The following MAPK14 variants were observed in gnomAD, a reference collection of about 807,000 sequenced individuals.
MAPK14 encodes the protein CSAID-binding protein.
MAPK14 carries 16 observed loss-of-function variants against 49.6 expected under a neutral mutation model. That is an observed-to-expected ratio of 0.32 (90% CI 0.22 to 0.49). MAPK14 has a LOEUF of 0.49. Ranked by LOEUF, MAPK14 falls within the 20% of genes least tolerant of loss-of-function variation. The pLI is 0.99. For synonymous variants in MAPK14, 142 were observed against 158.0 expected, an observed-to-expected ratio of 0.90 and a Z score of 0.76; for missense variants, 200 against 441.2, an observed-to-expected ratio of 0.45 and a Z score of 4.90.
intron 1 of MAPK14, among the ~76,000 whole-genome samples, chr6:36,047,586 GAC>G (rs1763228794): frequency 6.6e-6 from 1 of 152,092 alleles, no homozygotes; most frequent in African/African-American, 2.4e-5. Context: ...TCATTTTTGA[GAC>G]AGTCTCACTG....
Position 36,079,570 on chromosome 6 carries a change from C to T in MAPK14, c.682+2962C>T, listed in dbSNP as rs1764666179. On this transcript the variant is annotated intron_variant, in intron 8 of 11. Transcript: ENST00000229794. Reference sequence around the variant, plus strand: ...AATTTGTGATGGGCTGCATCCAAAGCCCTGGGCCACGTGCAGCCCGCAGGC... The same window carrying T: ...AATTTGTGATGGGCTGCATCCAAAGTCCTGGGCCACGTGCAGCCCGCAGGC... Among the ~76,000 whole-genome samples the T allele has an allele frequency of 2.0e-5, 3 of 152,158 alleles. No individual in the cohort carries two copies. The South Asian group carries it at 6.2e-4, about 31-fold the overall frequency.
intron 2 of MAPK14, 36 bp from the exon 3 acceptor site, chr6:36,059,253 A>T: frequency 7.4e-7 from 1 of 1,350,684 alleles, no homozygotes; most frequent in Non-Finnish European, 1.0e-6. Flanking sequence ...TGAGTTTAAT[A>T]TTTATTTACT....
chr6:36,101,945 G>C (rs1765653757), intron 9 of MAPK14, among the ~76,000 whole-genome samples: 1 of 152,194 alleles, frequency 6.6e-6, no homozygotes, highest in South Asian at 2.1e-4. Flanking sequence ...GCTTCTGAAG[G>C]TGATAGTGGG....
chr6:36,075,316 G>A (rs781056475), intron 6 of MAPK14, among the ~76,000 whole-genome samples: 5 of 151,556 alleles, frequency 3.3e-5, no homozygotes, highest in Non-Finnish European at 7.4e-5. Context: ...AGGCAACTAT[G>A]GATCTGCTTC....
intron 8 of MAPK14, among the ~76,000 whole-genome samples, chr6:36,080,723 G>T (rs889430784): frequency 1.3e-5 from 2 of 152,040 alleles, no homozygotes; most frequent in East Asian, 3.9e-4. Context: ...GAGTGGAATT[G>T]TTGCATCATA....
intron 8 of MAPK14, among the ~76,000 whole-genome samples, chr6:36,086,877 G>A (rs374264353): frequency 5.9e-5 from 9 of 152,256 alleles, no homozygotes; most frequent in South Asian, 2.1e-4. Flanking sequence ...GATGAACATC[G>A]ATGCAAAAAT....
At chr6:36,081,599 A>G (rs1764763140) in intron 8 of MAPK14, among the ~76,000 whole-genome samples, 2 of 152,140 alleles carry the variant, frequency 1.3e-5, no homozygotes, top group Admixed American at 1.3e-4. Context: ...ATTGGTTTAT[A>G]TATCTATCCT....
At chr6:36,120,574 G>C in the MAPK14 span, among the ~76,000 whole-genome samples, 1 of 151,994 alleles carries the variant, frequency 6.6e-6, no homozygotes, top group Non-Finnish European at 1.5e-5. Flanking sequence ...TACAGATGAT[G>C]AGCAATGCGG....
At chr6:36,079,115 T>C (rs1581801987) in intron 8 of MAPK14, among the ~76,000 whole-genome samples, 2 of 152,260 alleles carry the variant, frequency 1.3e-5, no homozygotes, top group South Asian at 4.1e-4. Flanking sequence ...CTATTCATTT[T>C]TTTTGAAAAG....
At chr6:36,054,008 A>AGACGGAGTCTCGCTCTGTCGCCC (rs1763499970) in intron 2 of MAPK14, among the ~76,000 whole-genome samples, 1 of 121,824 alleles carries the variant, frequency 8.2e-6, no homozygotes, top group African/African-American at 3.4e-5. Context: ...CCAGAGTTTT[A>AGACGGAGTCTCGCTCTGTCGCCC]AGAATGTTCA....
intron 8 of MAPK14, among the ~76,000 whole-genome samples, chr6:36,088,118 A>G (rs1765063002): frequency 6.6e-6 from 1 of 152,174 alleles, no homozygotes; most frequent in South Asian, 2.1e-4. Flanking sequence ...CCTTATACAA[A>G]AATTAACTCA....
intron 1 of MAPK14, among the ~76,000 whole-genome samples, chr6:36,038,339 G>A (rs530342297): frequency 3.3e-5 from 5 of 152,304 alleles, no homozygotes; most frequent in African/African-American, 9.6e-5. Context: ...TAAGAGACCA[G>A]TACAGCTAGA....
chr6:36,030,783 T>TTG (rs1041998344), intron 1 of MAPK14, among the ~76,000 whole-genome samples: 1 of 152,104 alleles, frequency 6.6e-6, no homozygotes, highest in Non-Finnish European at 1.5e-5. Flanking sequence ...GTTAAGTGTC[T>TTG]TGTGTCTTTC....
chr6:36,051,079 G>A (rs1763375125), intron 1 of MAPK14, among the ~76,000 whole-genome samples: 1 of 151,946 alleles, frequency 6.6e-6, no homozygotes, highest in Non-Finnish European at 1.5e-5. Flanking sequence ...TGGAGGATGA[G>A]GCATAATGGA....
At chr6:36,030,647 A>T (rs1425913211) in intron 1 of MAPK14, among the ~76,000 whole-genome samples, 1 of 147,418 alleles carries the variant, frequency 6.8e-6, no homozygotes, top group Non-Finnish European at 1.5e-5. Context: ...AGATCGCTCC[A>T]CTGCACTCCA....
At chr6:36,104,042 G>A (rs1765723612) in intron 10 of MAPK14, among the ~76,000 whole-genome samples, 2 of 152,234 alleles carry the variant, frequency 1.3e-5, no homozygotes, top group Non-Finnish European at 2.9e-5. Context: ...TTCATCCATA[G>A]TGATTATGGA....
chr6:36,053,371 G>A (rs1022996061), intron 2 of MAPK14, among the ~76,000 whole-genome samples: 8 of 151,366 alleles, frequency 5.3e-5, no homozygotes, highest in Middle Eastern at 3.4e-3. Context: ...CCAGATTCAC[G>A]TATTTTAATA....
intron 3 of MAPK14, among the ~76,000 whole-genome samples, chr6:36,061,855 C>T (rs1437927459): frequency 2.0e-5 from 3 of 152,204 alleles, no homozygotes; most frequent in Non-Finnish European, 2.9e-5. Flanking sequence ...TTTTAAATTA[C>T]AGAAAGTCTC....
chr6:36,088,352 C>G (rs979745838), intron 8 of MAPK14, among the ~76,000 whole-genome samples: 2 of 152,124 alleles, frequency 1.3e-5, no homozygotes, highest in Non-Finnish European at 2.9e-5. Flanking sequence ...TTTTTGCAAT[C>G]TATCCATCTG....
Sources: gnomAD v4.1 joint callset for allele counts (sites outside exome capture counted in the v4.1 genomes callset) on GRCh38, gnomAD v4.1.1 for gene constraint, MANE v1.5 for transcripts, NCBI Gene and HGNC (gene_info 2026-07-23, HGNC 2026-07-21) for gene names.